PCSK5: variants seen among roughly 807,000 people sequenced by gnomAD.
PCSK5 encodes the protein prohormone convertase 5.
Under a neutral mutation model 233.2 loss-of-function variants are expected in PCSK5, and 129 were observed. The observed-to-expected ratio is 0.55, with a 90% confidence interval of 0.48 to 0.64. The LOEUF is 0.64. PCSK5 is among the 30% of genes least tolerant of loss of function. The pLI, the probability that PCSK5 is intolerant of heterozygous loss-of-function variation, is 0.00. For synonymous variants in PCSK5, 825 were observed against 879.2 expected, an observed-to-expected ratio of 0.94 and a Z score of 1.09; for missense variants, 2,076 against 2,430.1, an observed-to-expected ratio of 0.85 and a Z score of 3.06.
rs1564202629 is a variant in PCSK5, at chr9:76,360,389, C to T, written c.*1467C>T. 6.6e-6 allele frequency: 1 copy of T among 152,200 alleles called. No individual in the cohort carries two copies. Among genetic ancestry groups the T allele is most frequent in the Admixed American group, 6.5e-5 (1 of 15,268 alleles). 9.4% of individuals were successfully genotyped at this position (152,200 alleles called of 1,614,324 possible). On this transcript the variant is annotated 3_prime_UTR_variant, in exon 38 of 38. Transcript: ENST00000674117. ...TAGTCCAAGGTCATGCAAAGCTCAA[C>T]AAAATTCAAGAAAAAAGAATGATCA...
At chr9:76,152,143 A>G (rs1426313219) in intron 10 of PCSK5, among the ~76,000 whole-genome samples, 1 of 152,176 alleles carries the variant, frequency 6.6e-6, no homozygotes, top group East Asian at 1.9e-4. Context: ...ATTGATATTA[A>G]CAGCTGGGAG....
At chr9:76,078,097 G>T (rs996681132) in intron 7 of PCSK5, among the ~76,000 whole-genome samples, 1 of 152,146 alleles carries the variant, frequency 6.6e-6, no homozygotes, top group Non-Finnish European at 1.5e-5. Flanking sequence ...CTATTGAGAA[G>T]CGTCTGTTCA....
At position 76,301,590 on chromosome 9, in the gene PCSK5, C is replaced by T. The variant is rs577846750; in HGVS notation, c.3524-547C>T. On this transcript the variant is annotated intron_variant, in intron 27 of 37. Transcript: ENST00000674117. Reference sequence around the variant, plus strand: ...GGGCACGGTGGCTCATGCCTGTAATCCCAGCACTTTGGGAGGCCAAGGCAG... The same window carrying T: ...GGGCACGGTGGCTCATGCCTGTAATTCCAGCACTTTGGGAGGCCAAGGCAG... 3.3e-5 allele frequency among the ~76,000 whole-genome samples: 5 copies of T among 152,282 alleles called. No homozygotes were observed. The East Asian group carries it at 9.7e-4, about 29-fold the overall frequency.
intron 2 of PCSK5, among the ~76,000 whole-genome samples, chr9:75,967,766 CTT>C (rs35915694): frequency 4.1e-4 from 61 of 147,952 alleles, no homozygotes; most frequent in Admixed American, 4.7e-4. Flanking sequence ...AGTGCCCAGC[CTT>C]TTTTTTTTTT....
intron 22 of PCSK5, among the ~76,000 whole-genome samples, chr9:76,237,180 C>G (rs1374805377): frequency 6.6e-6 from 1 of 152,204 alleles, no homozygotes; most frequent in African/African-American, 2.4e-5. Flanking sequence ...GGATGACCCT[C>G]TTGTGATCTT....
intron 10 of PCSK5, among the ~76,000 whole-genome samples, chr9:76,144,435 A>C (rs1017960397): frequency 1.3e-5 from 2 of 152,206 alleles, no homozygotes; most frequent in African/African-American, 4.8e-5. Flanking sequence ...ATAGCTAAAA[A>C]CATGAGAAAT....
At chr9:76,097,249 T>TC (rs1831566151) in intron 8 of PCSK5, among the ~76,000 whole-genome samples, 1 of 114,536 alleles carries the variant, frequency 8.7e-6, no homozygotes, top group Non-Finnish European at 1.8e-5. Context: ...TGCATTTCTT[T>TC]TTTTTTTTTT....
chr9:76,184,179 T>G (rs1279040785), intron 16 of PCSK5, among the ~76,000 whole-genome samples: 1 of 152,208 alleles, frequency 6.6e-6, no homozygotes, highest in African/African-American at 2.4e-5. Flanking sequence ...ATCCTTACCC[T>G]TGCAGTCTTA....
In PCSK5 at chr9:76,116,258, G is replaced by A. The variant is rs1289717077; in HGVS notation, c.1208+8907G>A. The stretch of plus-strand genomic sequence containing the variant: ...CATAGTGAAATAAACTGTAATACCT[G>A]GAATAGAACATGTAACACAAAAAGA... On this transcript the variant is annotated intron_variant, in intron 9 of 37. Transcript: ENST00000674117. Among the ~76,000 whole-genome samples, 4 of 151,944 alleles carry A rather than the reference G, an allele frequency of 2.6e-5. No individual in the cohort carries two copies. The East Asian group carries it at 7.7e-4, about 29-fold the overall frequency.
intron 3 of PCSK5, among the ~76,000 whole-genome samples, chr9:76,010,116 A>C (rs1201057785): frequency 1.3e-5 from 2 of 152,172 alleles, no homozygotes; most frequent in Non-Finnish European, 2.9e-5. Flanking sequence ...CTGATGAGGG[A>C]TATCATACAA....
intron 7 of PCSK5, among the ~76,000 whole-genome samples, chr9:76,084,509 A>G (rs1830982839): frequency 6.6e-6 from 1 of 152,240 alleles, no homozygotes; most frequent in South Asian, 2.1e-4. Context: ...AGTTATCAAT[A>G]ACAGTCCTTT....
chr9:75,926,711 T>C (rs1823507530), intron 1 of PCSK5, among the ~76,000 whole-genome samples: 1 of 152,254 alleles, frequency 6.6e-6, no homozygotes. Context: ...GTTTTTGTGT[T>C]AACATATTTT....
intron 3 of PCSK5, among the ~76,000 whole-genome samples, chr9:75,997,549 C>G (rs987401280): frequency 6.6e-6 from 1 of 152,044 alleles, no homozygotes; most frequent in Non-Finnish European, 1.5e-5. Context: ...TGATTCAAGC[C>G]GAAAGAGCTG....
At chr9:75,964,026 C>T (rs1378524961) in intron 2 of PCSK5, among the ~76,000 whole-genome samples, 2 of 152,214 alleles carry the variant, frequency 1.3e-5, no homozygotes, top group African/African-American at 4.8e-5. Flanking sequence ...CTCAGTTTCT[C>T]TATCTGGAAA....
chr9:76,168,911 C>T (rs1416468670), intron 12 of PCSK5, among the ~76,000 whole-genome samples: 1 of 152,134 alleles, frequency 6.6e-6, no homozygotes, highest in South Asian at 2.1e-4. Flanking sequence ...TGTTTCTTTA[C>T]GTATAATTTT....
chr9:76,260,595 A>G (rs1311730467), intron 24 of PCSK5, among the ~76,000 whole-genome samples: 5 of 152,184 alleles, frequency 3.3e-5, no homozygotes, highest in Non-Finnish European at 7.3e-5. Flanking sequence ...GGAAATGAAT[A>G]AATGGATATC....
intron 1 of PCSK5, among the ~76,000 whole-genome samples, chr9:75,900,192 A>G (rs373498242): frequency 6.6e-6 from 1 of 152,144 alleles, no homozygotes; most frequent in Non-Finnish European, 1.5e-5. Context: ...TTGAAACCTA[A>G]TACTGCTCCT....
chr9:76,082,930 C>T (rs761269860), intron 7 of PCSK5, among the ~76,000 whole-genome samples: 8 of 151,746 alleles, frequency 5.3e-5, no homozygotes, highest in Non-Finnish European at 8.8e-5. Flanking sequence ...TTTTTAAGAC[C>T]GGGCACGGTG....
At chr9:75,893,545 G>A (rs1462859131) in intron 1 of PCSK5, among the ~76,000 whole-genome samples, 1 of 152,146 alleles carries the variant, frequency 6.6e-6, no homozygotes, top group Non-Finnish European at 1.5e-5. Context: ...TTACCTTTCT[G>A]AATTAATTGA....
Sources: gnomAD v4.1 joint callset for allele counts (sites outside exome capture counted in the v4.1 genomes callset) on GRCh38, gnomAD v4.1.1 for gene constraint, MANE v1.5 for transcripts, NCBI Gene and HGNC (gene_info 2026-07-23, HGNC 2026-07-21) for gene names.